The following ST3GAL2 variants were observed in gnomAD, a reference collection of about 807,000 sequenced individuals.
ST3GAL2 encodes the protein ST3 beta-galactoside alpha-2,3-sialyltransferase 2.
ST3GAL2 carries 16 observed loss-of-function variants against 37.5 expected under a neutral mutation model. That is an observed-to-expected ratio of 0.43 (90% CI 0.29 to 0.65). The LOEUF is 0.65. Among genes scored for constraint, ST3GAL2 ranks in the 30% least tolerant of loss-of-function variants. The pLI is 0.17. For synonymous variants in ST3GAL2, 238 were observed against 202.9 expected, an observed-to-expected ratio of 1.17 and a Z score of -1.47; for missense variants, 383 against 487.8, an observed-to-expected ratio of 0.79 and a Z score of 2.02.
chr16:70,381,450 T>G lies in ST3GAL2; in HGVS notation c.*239A>C, dbSNP rs2047403411. On this transcript the variant is annotated 3_prime_UTR_variant, in exon 7 of 7. Transcript: ENST00000342907. ...CCGAAGGCCATTGATTGGAGGAGAC[T>G]GGACACAGCGCCGGAAGTTTTCCTT... 1 of 561,288 alleles carries G rather than the reference T, an allele frequency of 1.8e-6. No homozygotes were observed. Among genetic ancestry groups the G allele is most frequent in the South Asian group, 2.1e-5 (1 of 47,034 alleles). The allele number at this position is 561,288 out of a possible 1,614,324, so 34.8% of individuals were successfully genotyped here.
At chr16:70,402,362 G>A (rs1035205276) in intron 1 of ST3GAL2, among the ~76,000 whole-genome samples, 9 of 150,986 alleles carry the variant, frequency 6.0e-5, no homozygotes, top group African/African-American at 1.5e-4. Context: ...AATGAACTCC[G>A]GTTTCAGACA....
chr16:70,409,460 C>T (rs1567672731), intron 1 of ST3GAL2, among the ~76,000 whole-genome samples: 2 of 152,086 alleles, frequency 1.3e-5, no homozygotes, highest in African/African-American at 2.4e-5. Flanking sequence ...TTTCCTGCCT[C>T]GGTCTCCTGA....
chr16:70,384,323 G>A (rs1321182577), intron 4 of ST3GAL2, among the ~76,000 whole-genome samples: 1 of 152,124 alleles, frequency 6.6e-6, no homozygotes, highest in Non-Finnish European at 1.5e-5. Flanking sequence ...GCTACAACAC[G>A]GATGAACTAT....
At chr16:70,395,204 G>A (rs781332312) in intron 2 of ST3GAL2, 29 bp from the exon 3 acceptor site, 24 of 1,582,554 alleles carry the variant, frequency 1.5e-5, no homozygotes, top group Middle Eastern at 1.7e-4. Context: ...GATGGGAAAC[G>A]AGGAAGGGGA....
Position 70,382,823 on chromosome 16 carries a change from G to C in ST3GAL2, c.861C>G (p.Ala287=), listed in dbSNP as rs751366373. ...PSTGMLVLFF[A]LHVCDEVNVY... ...TACCCACCTCATCACACACATGCAG[G>C]GCAAAGAAAAGCACCAGCATCCCCG... The change falls in exon 6 of 7, where the codon GCC becomes GCG. Residue 287 remains alanine (A), a synonymous_variant. Coordinates refer to ENST00000342907, the MANE Select transcript of ST3GAL2 (RefSeq NM_006927.4). The C allele has an allele frequency of 8.7e-6, 14 of 1,614,036 alleles. 1 individual carries two copies. The South Asian group carries it at 1.4e-4, about 16-fold the overall frequency.
intron 1 of ST3GAL2, among the ~76,000 whole-genome samples, chr16:70,416,643 T>G (rs1421874579): frequency 6.6e-6 from 1 of 152,190 alleles, no homozygotes; most frequent in Admixed American, 6.5e-5. Flanking sequence ...ATGAATTATA[T>G]AAGTATGCAT....
At chr16:70,389,373 G>C (rs370181695) in intron 3 of ST3GAL2, among the ~76,000 whole-genome samples, 5 of 150,438 alleles carry the variant, frequency 3.3e-5, no homozygotes, top group Non-Finnish European at 3.0e-5. Flanking sequence ...GTGCTATCTC[G>C]GCTCACTGCA....
chr16:70,413,781 A>C (rs1436975401), intron 1 of ST3GAL2, among the ~76,000 whole-genome samples: 2 of 145,702 alleles, frequency 1.4e-5, no homozygotes, highest in Non-Finnish European at 3.1e-5. Flanking sequence ...TAAATAAATA[A>C]ATAAATAAAA....
chr16:70,402,579 T>C (rs1167627677), intron 1 of ST3GAL2, among the ~76,000 whole-genome samples: 8 of 151,454 alleles, frequency 5.3e-5, no homozygotes, highest in Non-Finnish European at 7.4e-5. Flanking sequence ...GGAAGAGAGG[T>C]AGATGAAATA....
intron 1 of ST3GAL2, among the ~76,000 whole-genome samples, chr16:70,433,011 C>G (rs2047801646): frequency 1.3e-5 from 2 of 152,250 alleles, no homozygotes; most frequent in South Asian, 4.1e-4. Context: ...AGGAAGCTCA[C>G]CAGGATTCCG....
Position 70,382,926 on chromosome 16 carries a change from T to C in ST3GAL2, c.760-2A>G. The C allele has an allele frequency of 1.2e-6, 2 of 1,613,090 alleles. No individual in the cohort carries two copies. Among genetic ancestry groups the C allele is most frequent in the East Asian group, 2.2e-5 (1 of 44,870 alleles). ...GAAGGCTGGGTTGTAGATCTGGACCTGGGAGGAGAAGGGATGACAGGTATA... is the reference window on the plus strand; with the variant it reads ...GAAGGCTGGGTTGTAGATCTGGACCCGGGAGGAGAAGGGATGACAGGTATA... On this transcript the variant is annotated splice_acceptor_variant, in intron 5 of 6. Coordinates refer to ENST00000342907, the MANE Select transcript of ST3GAL2 (RefSeq NM_006927.4). LOFTEE classifies it high-confidence loss of function.
chr16:70,398,695 T>G lies in ST3GAL2; in HGVS notation c.-165A>C, dbSNP rs997303756. 6 of 674,522 alleles carry G rather than the reference T, an allele frequency of 8.9e-6. No homozygotes were observed. Among genetic ancestry groups the G allele is most frequent in the African/African-American group, 1.8e-5 (1 of 55,368 alleles). 41.8% of individuals were successfully genotyped at this position (674,522 alleles called of 1,614,324 possible). ...GGGTCCCTTGCCACGCCCTCCCTCA[T>G]GTAGGGAGAACACACGTTGGCAGGA... On this transcript the variant is annotated 5_prime_UTR_variant, in exon 2 of 7. An upstream start codon of the reference 5' UTR is lost. Transcript: ENST00000342907.
chr16:70,428,239 C>T (rs2047764929), intron 1 of ST3GAL2, among the ~76,000 whole-genome samples: 1 of 152,228 alleles, frequency 6.6e-6, no homozygotes, highest in Non-Finnish European at 1.5e-5. Context: ...GGAAAGGGAG[C>T]TGGTGGCCAG....
chr16:70,412,992 T>C (rs1168667880), intron 1 of ST3GAL2, among the ~76,000 whole-genome samples: 2 of 152,170 alleles, frequency 1.3e-5, no homozygotes, highest in Non-Finnish European at 2.9e-5. Flanking sequence ...CACACACCTG[T>C]AATCCCAGTA....
chr16:70,398,631 G>A lies in ST3GAL2; in HGVS notation c.-101C>T, dbSNP rs1324233304. On this transcript the variant is annotated 5_prime_UTR_variant, in exon 2 of 7. Transcript: ENST00000342907. The stretch of plus-strand genomic sequence containing the variant: ...TGCCTATTCTGGCACCACATGCAAA[G>A]GGCATAGGGGCACGTGCTGCAGCAG... The A allele has an allele frequency of 2.7e-6, 3 of 1,120,972 alleles. No homozygotes were observed. The highest frequency in any genetic ancestry group is 1.6e-5 in the African/African-American group (1 of 64,434). The allele number at this position is 1,120,972 out of a possible 1,614,324, so 69.4% of individuals were successfully genotyped here. A position where few individuals can be genotyped will look rare whatever the true frequency, so the allele number is the denominator to read the frequency against.
chr16:70,408,425 G>T (rs935961559), intron 1 of ST3GAL2, among the ~76,000 whole-genome samples: 2 of 152,126 alleles, frequency 1.3e-5, no homozygotes, highest in Non-Finnish European at 2.9e-5. Context: ...GTGGGCGCAG[G>T]TGGCCAGTTA....
rs1457488228 is a variant in ST3GAL2 at position 70,399,223 on chromosome 16, T to C, written c.-693A>G. The C allele has an allele frequency of 2.5e-6, 1 of 398,742 alleles. No homozygotes were observed. The highest frequency in any genetic ancestry group is 4.4e-6 in the Non-Finnish European group (1 of 226,224). 24.7% of individuals were successfully genotyped at this position (398,742 alleles called of 1,614,324 possible). On this transcript the variant is annotated 5_prime_UTR_variant, in exon 2 of 7. Transcript: ENST00000342907. ...CCCTTCTGCTTCCCATCTGAGGTGC[T>C]GGTCCCTTCTCCTGGTGGCCCCAGC... is the stretch of plus-strand genomic sequence containing the variant.
chr16:70,388,350 G>A lies in ST3GAL2; in HGVS notation c.713+17C>T. The A allele has an allele frequency of 1.2e-6, 2 of 1,613,930 alleles. No homozygotes were observed. Among genetic ancestry groups the A allele is most frequent in the Middle Eastern group, 3.3e-4 (2 of 6,018 alleles). ...GTCCTGTCACCCATATTCTACCCAG[G>A]CCAGCAAGAAGCTCACAATCGGATC... On this transcript the variant is annotated intron_variant, in intron 4 of 6. Transcript: ENST00000342907.
intron 3 of ST3GAL2, among the ~76,000 whole-genome samples, chr16:70,390,957 C>G (rs2047478466): frequency 6.6e-6 from 1 of 152,214 alleles, no homozygotes; most frequent in Admixed American, 6.5e-5. Flanking sequence ...TGACCGTAAC[C>G]TGGCCCTCCA....
Sources: gnomAD v4.1 joint callset for allele counts (sites outside exome capture counted in the v4.1 genomes callset) on GRCh38, gnomAD v4.1.1 for gene constraint, MANE v1.5 for transcripts, NCBI Gene and HGNC (gene_info 2026-07-23, HGNC 2026-07-21) for gene names.